MDGA2: variants seen among roughly 807,000 people sequenced by gnomAD.
MDGA2 encodes MAM domain containing glycosylphosphatidylinositol anchor 2, also known as MAM domain-containing glycosylphosphatidylinositol anchor protein 2.
Under a neutral mutation model 117.8 loss-of-function variants are expected in MDGA2, and 40 were observed. The ratio of observed to expected loss-of-function variants is 0.34; its 90% CI spans 0.26 to 0.44. The LOEUF is 0.44. Among genes scored for constraint, MDGA2 ranks in the 20% least tolerant of loss-of-function variants. The pLI is 1.00. For synonymous variants in MDGA2, 452 were observed against 439.0 expected, an observed-to-expected ratio of 1.03 and a Z score of -0.37; for missense variants, 1,123 against 1,250.6, an observed-to-expected ratio of 0.90 and a Z score of 1.54.
At chr14:47,617,779 C>A (rs73262390) in intron 1 of MDGA2, among the ~76,000 whole-genome samples, 4,140 of 152,082 alleles carry the variant, frequency 0.027, 113 homozygotes, top group African/African-American at 0.071. Flanking sequence ...TATGTGCAAA[C>A]TAAATAGTAT....
intron 3 of MDGA2, among the ~76,000 whole-genome samples, chr14:47,153,059 G>A (rs1377313064): frequency 6.6e-6 from 1 of 152,168 alleles, no homozygotes; most frequent in East Asian, 1.9e-4. Flanking sequence ...ATAGTAATTT[G>A]GTATGATGTT....
chr14:47,386,444 T>A (rs1041113985), intron 1 of MDGA2, among the ~76,000 whole-genome samples: 2 of 152,162 alleles, frequency 1.3e-5, no homozygotes, highest in Non-Finnish European at 1.5e-5. Flanking sequence ...AGTTTCACAA[T>A]GAAATGGCCA....
chr14:47,549,406 C>T (rs1191018568), intron 1 of MDGA2, among the ~76,000 whole-genome samples: 1 of 140,482 alleles, frequency 7.1e-6, no homozygotes, highest in Non-Finnish European at 1.6e-5. Context: ...CCTTTTTCCA[C>T]CATTCCAGTG....
intron 1 of MDGA2, among the ~76,000 whole-genome samples, chr14:47,591,233 T>C (rs1896433368): frequency 6.6e-6 from 1 of 152,050 alleles, no homozygotes; most frequent in South Asian, 2.1e-4. Flanking sequence ...GGATTGTACA[T>C]CTCCCATTCA....
At chr14:47,123,221 T>C (rs1383576622) in intron 5 of MDGA2, among the ~76,000 whole-genome samples, 2 of 152,006 alleles carry the variant, frequency 1.3e-5, no homozygotes, top group African/African-American at 4.8e-5. Flanking sequence ...AGTTTCAAGA[T>C]ACATTTGAAT....
At chr14:46,908,487 C>A (rs1370933786) in intron 10 of MDGA2, among the ~76,000 whole-genome samples, 1 of 152,110 alleles carries the variant, frequency 6.6e-6, no homozygotes. Flanking sequence ...GGAGTCTTAA[C>A]CACTTTCAAA....
intron 8 of MDGA2, among the ~76,000 whole-genome samples, chr14:46,961,851 C>G (rs1183372589): frequency 6.6e-6 from 1 of 152,044 alleles, no homozygotes; most frequent in African/African-American, 2.4e-5. Flanking sequence ...ACCATGTTAG[C>G]CAAGATGGTC....
intron 7 of MDGA2, among the ~76,000 whole-genome samples, chr14:47,052,087 AC>A (rs553352131): frequency 2.0e-5 from 3 of 152,030 alleles, no homozygotes; most frequent in African/African-American, 7.2e-5. Context: ...TAACTCTAAT[AC>A]ATCATTACTC....
At chr14:47,295,927 TGATAA>T (rs200288813) in intron 2 of MDGA2, among the ~76,000 whole-genome samples, 9,101 of 135,298 alleles carry the variant, frequency 0.067, 354 homozygotes, top group Middle Eastern at 0.09. Context: ...TATAGATAGA[TGATAA>T]GATAGATAGA....
chr14:46,867,286 G>A (rs1044101910), intron 14 of MDGA2, among the ~76,000 whole-genome samples: 22 of 151,854 alleles, frequency 1.4e-4, no homozygotes, highest in South Asian at 4.1e-4. Flanking sequence ...GTAAACTATC[G>A]CAAGAACAAA....
intron 9 of MDGA2, among the ~76,000 whole-genome samples, chr14:46,930,516 T>G (rs994741228): frequency 6.6e-5 from 10 of 152,178 alleles, no homozygotes; most frequent in Non-Finnish European, 1.3e-4. Context: ...GAAGAAAACT[T>G]CAGCTAAAAT....
intron 16 of MDGA2, among the ~76,000 whole-genome samples, chr14:46,845,037 C>T (rs1049652517): frequency 2.0e-5 from 3 of 152,054 alleles, no homozygotes; most frequent in East Asian, 1.9e-4. Context: ...ACTACACGCC[C>T]GGCTAATATT....
intron 1 of MDGA2, among the ~76,000 whole-genome samples, chr14:47,358,293 T>C (rs1007406979): frequency 6.6e-6 from 1 of 152,200 alleles, no homozygotes; most frequent in Non-Finnish European, 1.5e-5. Flanking sequence ...GTTTTCATCT[T>C]TCTTTGGAGA....
intron 1 of MDGA2, among the ~76,000 whole-genome samples, chr14:47,626,850 C>T (rs995608964): frequency 6.6e-6 from 1 of 152,242 alleles, no homozygotes; most frequent in Non-Finnish European, 1.5e-5. Flanking sequence ...CCGCCCCCTG[C>T]TCCACAGCGC....
intron 8 of MDGA2, chr14:46,960,692 T>G (rs1444116624): frequency 2.0e-5 from 3 of 151,228 alleles, no homozygotes; most frequent in Non-Finnish European, 4.4e-5. Context: ...TACATATGTG[T>G]ATATATACAC....
At chr14:47,597,188 A>G (rs565656484) in intron 1 of MDGA2, among the ~76,000 whole-genome samples, 2 of 152,300 alleles carry the variant, frequency 1.3e-5, no homozygotes, top group African/African-American at 4.8e-5. Flanking sequence ...TCTTCTGGGT[A>G]ATCGGTTTAA....
rs112187030 is a variant in MDGA2, at chr14:46,862,726, G to A, written c.2753-7572C>T. ...CTGAGTTTCACATTTCATGTAAAAT[G>A]AGGATGTGCCAAAATCATCCAGCTC... On this transcript the variant is annotated intron_variant, in intron 14 of 16. Transcript: ENST00000399232. Among the ~76,000 whole-genome samples, 2 of 152,070 alleles carry A rather than the reference G, an allele frequency of 1.3e-5. 1 individual carries two copies. The highest frequency in any genetic ancestry group is 4.8e-5 in the African/African-American group (2 of 41,540).
intron 1 of MDGA2, among the ~76,000 whole-genome samples, chr14:47,446,723 C>T (rs1214392884): frequency 6.9e-6 from 1 of 144,674 alleles, no homozygotes; most frequent in Non-Finnish European, 1.5e-5. Context: ...AGCTAGATCC[C>T]AGAAGTAAGT....
At chr14:47,519,550 A>T (rs1417990606) in intron 1 of MDGA2, among the ~76,000 whole-genome samples, 2 of 152,200 alleles carry the variant, frequency 1.3e-5, no homozygotes, top group African/African-American at 4.8e-5. Context: ...GTTTTCTTTT[A>T]AAAATGATGA....
Sources: gnomAD v4.1 joint callset for allele counts (sites outside exome capture counted in the v4.1 genomes callset) on GRCh38, gnomAD v4.1.1 for gene constraint, MANE v1.5 for transcripts, NCBI Gene and HGNC (gene_info 2026-07-23, HGNC 2026-07-21) for gene names.